Variants in PCDH11Y observed in about 807,000 individuals in gnomAD.
The protein encoded by PCDH11Y is protocadherin-11 Y-linked.
For missense variants in PCDH11Y, 12 were observed against 224.8 expected (o/e 0.05, Z 6.05); for synonymous variants, 9 against 83.6 (o/e 0.11, Z 4.87).
At chrY:5,196,035 G>A in intron 2 of PCDH11Y, among the ~76,000 whole-genome samples, 2 of 31,623 alleles carry the variant, frequency 6.3e-5, no homozygotes, top group Non-Finnish European at 1.5e-4. Context: ...CTGAGGGTAA[G>A]GTGGCTGAAT....
At chrY:5,656,811 A>G (rs1451341378) in intron 4 of PCDH11Y, among the ~76,000 whole-genome samples, 2 of 32,011 alleles carry the variant, frequency 6.2e-5, no homozygotes, top group Non-Finnish European at 7.6e-5. Flanking sequence ...AAACTGGAGG[A>G]ATCACCTTAC....
chrY:5,457,065 T>C, intron 2 of PCDH11Y, among the ~76,000 whole-genome samples: 1 of 33,997 alleles, frequency 2.9e-5, no homozygotes, highest in Non-Finnish European at 7.3e-5. Context: ...GATGAAATGA[T>C]TTCTATTTTG....
chrY:5,450,768 G>A (rs207480369), intron 2 of PCDH11Y, among the ~76,000 whole-genome samples: 1 of 32,548 alleles, frequency 3.1e-5, no homozygotes, highest in Non-Finnish European at 7.6e-5. Context: ...TGTATGCTGC[G>A]CAGTTACTTG....
intron 2 of PCDH11Y, among the ~76,000 whole-genome samples, chrY:5,486,801 T>C: frequency 6.6e-5 from 1 of 15,221 alleles, no homozygotes; most frequent in Admixed American, 6.8e-4. Context: ...CCAGGCTGGA[T>C]TGCAGTGGCA....
At chrY:5,537,259 G>GT (rs34715627) in intron 3 of PCDH11Y, among the ~76,000 whole-genome samples, 732 of 16,333 alleles carry the variant, frequency 0.045, no homozygotes, top group Middle Eastern at 0.077. Context: ...ATTGGCAAAT[G>GT]TTTTTTTTTT....
intron 3 of PCDH11Y, among the ~76,000 whole-genome samples, chrY:5,567,501 C>G (rs2053436469): frequency 4.2e-5 from 1 of 23,890 alleles, no homozygotes; most frequent in Non-Finnish European, 9.7e-5. Flanking sequence ...CCTCACCTGC[C>G]CATTTTAAAA....
chrY:5,385,129 CTTTTTTTTTTT>C (rs1274959418), intron 2 of PCDH11Y, among the ~76,000 whole-genome samples: 1 of 9,590 alleles, frequency 1.0e-4, no homozygotes, highest in Non-Finnish European at 2.2e-4. Context: ...TACTGGCCAG[CTTTTTTTTTTT>C]TTTTTTTTTT....
intron 2 of PCDH11Y, among the ~76,000 whole-genome samples, chrY:5,499,323 G>A: frequency 3.0e-5 from 1 of 33,267 alleles, no homozygotes; most frequent in African/African-American, 1.2e-4. Flanking sequence ...AAGGAATCCT[G>A]TCTGGCTGTT....
intron 2 of PCDH11Y, among the ~76,000 whole-genome samples, chrY:5,300,851 T>C: frequency 2.9e-5 from 1 of 34,289 alleles, no homozygotes; most frequent in Non-Finnish European, 7.4e-5. Flanking sequence ...TTGAATTCTT[T>C]TTATAACATT....
chrY:5,378,080 T>C (rs2053200286), intron 2 of PCDH11Y, among the ~76,000 whole-genome samples: 1 of 33,395 alleles, frequency 3.0e-5, no homozygotes, highest in Non-Finnish European at 7.4e-5. Context: ...TTAAATTTTT[T>C]TTGAAAACAG....
chrY:5,700,790 A>G, intron 4 of PCDH11Y, among the ~76,000 whole-genome samples: 1 of 33,759 alleles, frequency 3.0e-5, no homozygotes, highest in African/African-American at 1.2e-4. Context: ...ATTAAGTAAC[A>G]GGCAGAGATT....
chrY:5,021,755 C>A, intron 1 of PCDH11Y, among the ~76,000 whole-genome samples: 6 of 31,599 alleles, frequency 1.9e-4, no homozygotes, highest in Non-Finnish European at 3.1e-4. Context: ...TTGAAAATCT[C>A]CTTTATTATT....
chrY:5,443,062 C>A (rs2053284019), intron 2 of PCDH11Y, among the ~76,000 whole-genome samples: 1 of 33,031 alleles, frequency 3.0e-5, no homozygotes. Context: ...CCAACTCATT[C>A]CTTGAAACTG....
intron 4 of PCDH11Y, among the ~76,000 whole-genome samples, chrY:5,655,662 A>C: frequency 3.1e-5 from 1 of 31,893 alleles, no homozygotes; most frequent in Non-Finnish European, 7.6e-5. Flanking sequence ...TGCTGGAGAG[A>C]TATATACTGA....
At chrY:5,190,797 G>A (rs1602883286) in intron 2 of PCDH11Y, among the ~76,000 whole-genome samples, 7 of 31,745 alleles carry the variant, frequency 2.2e-4, no homozygotes, top group African/African-American at 4.9e-4. Context: ...GATCTGGTGA[G>A]TTTCAGTTCT....
At chrY:5,736,890 A>G in intron 4 of PCDH11Y, among the ~76,000 whole-genome samples, 1 of 32,594 alleles carries the variant, frequency 3.1e-5, no homozygotes, top group Non-Finnish European at 7.5e-5. Context: ...TATTCTTATA[A>G]TTTGTTTTCC....
intron 2 of PCDH11Y, among the ~76,000 whole-genome samples, chrY:5,378,318 CACAG>C (rs2053201126): frequency 7.6e-5 from 2 of 26,485 alleles, no homozygotes; most frequent in African/African-American, 1.6e-4. Context: ...CACACACACA[CACAG>C]AGAAGACAAT....
Position 5,130,450 on chromosome Y carries a change from T to C in PCDH11Y, c.3129+29743T>C, listed in dbSNP as rs2124641085. Among the ~76,000 whole-genome samples the C allele has an allele frequency of 1.2e-4, 4 of 33,526 alleles. No homozygotes were observed. The East Asian group carries it at 3.2e-3, about 27-fold the overall frequency. 89.9% of individuals were successfully genotyped at this position (33,526 alleles called of 37,273 possible). ...GCCATAAAAAAGTGGGCAAATGAAATGAACAGACACTTCTCAAAAGAAGAC... is the reference window on the plus strand; with the variant it reads ...GCCATAAAAAAGTGGGCAAATGAAACGAACAGACACTTCTCAAAAGAAGAC... On this transcript the variant is annotated intron_variant, in intron 2 of 4. Transcript: ENST00000400457.
chrY:5,127,547 T>C (rs2052826826), intron 2 of PCDH11Y, among the ~76,000 whole-genome samples: 1 of 33,419 alleles, frequency 3.0e-5, no homozygotes, highest in African/African-American at 1.2e-4. Flanking sequence ...AAGATATTTG[T>C]ATACTATCTC....
Sources: gnomAD v4.1 joint callset for allele counts (sites outside exome capture counted in the v4.1 genomes callset) on GRCh38, gnomAD v4.1.1 for gene constraint, MANE v1.5 for transcripts, NCBI Gene and HGNC (gene_info 2026-07-23, HGNC 2026-07-21) for gene names.